CDH23: variants seen among roughly 807,000 people sequenced by gnomAD.
The protein encoded by CDH23 is cadherin-23.
Under a neutral mutation model 317.1 loss-of-function variants are expected in CDH23, and 189 were observed. The ratio of observed to expected loss-of-function variants is 0.60; its 90% CI spans 0.53 to 0.67. The LOEUF (loss-of-function observed/expected upper bound fraction) is 0.67, where lower values mean the gene tolerates loss of function less well. CDH23 is among the 30% of genes least tolerant of loss of function. The pLI is 0.00. For missense variants in CDH23, 4,401 were observed against 4,592.4 expected (o/e 0.96, Z 1.20); for synonymous variants, 1,839 against 1,876.8 (o/e 0.98, Z 0.52).
rs529956370 is a variant in CDH23 at position 71,447,901 on chromosome 10, T to A, written c.145+1506T>A. On this transcript the variant is annotated intron_variant, in intron 3 of 69. Transcript: ENST00000224721. ...GGGTGGGGCTGGCATGGAGCCAACA[T>A]AGCAGCACACAGTGCATGTGTCTAG... Among the ~76,000 whole-genome samples, 21 of 152,314 alleles carry A rather than the reference T, an allele frequency of 1.4e-4. 1 individual carries two copies. The South Asian group carries it at 3.7e-3, about 27-fold the overall frequency.
intron 1 of CDH23, among the ~76,000 whole-genome samples, chr10:71,419,998 G>C (rs1848680853): frequency 1.3e-5 from 2 of 152,144 alleles, no homozygotes; most frequent in Admixed American, 6.5e-5. Context: ...ACTGCTGGAT[G>C]CCTTGCACTC....
intron 28 of CDH23, chr10:71,716,339 G>C: frequency 3.4e-6 from 5 of 1,469,130 alleles, no homozygotes; most frequent in South Asian, 2.8e-5. Flanking sequence ...TGTGCTCATG[G>C]CTCCTGCAAC....
chr10:71,787,111 T>C (rs1208070435), intron 44 of CDH23, among the ~76,000 whole-genome samples: 4 of 152,110 alleles, frequency 2.6e-5, no homozygotes, highest in East Asian at 1.9e-4. Context: ...CAGGAAGGCC[T>C]TGAAGGTCGA....
At chr10:71,622,843 ACT>A in intron 11 of CDH23, 1 of 680,188 alleles carries the variant, frequency 1.5e-6, no homozygotes, top group South Asian at 6.6e-5. Flanking sequence ...TTGGGACACC[ACT>A]CTCTTCCCCA....
intron 6 of CDH23, among the ~76,000 whole-genome samples, chr10:71,524,389 C>T (rs1001017172): frequency 5.9e-5 from 9 of 152,172 alleles, no homozygotes; most frequent in South Asian, 2.1e-4. Context: ...TTCCAAGACC[C>T]GTGCTGAAGG....
chr10:71,635,803 G>T (rs1218010607), intron 11 of CDH23, among the ~76,000 whole-genome samples: 1 of 152,192 alleles, frequency 6.6e-6, no homozygotes, highest in Non-Finnish European at 1.5e-5. Context: ...ACCATTGACG[G>T]TTGGCTTGTA....
intron 28 of CDH23, chr10:71,716,038 C>A: frequency 6.6e-7 from 1 of 1,507,314 alleles, no homozygotes. Flanking sequence ...GGAAGCTGTG[C>A]AGGGAGAGGC....
Position 71,706,915 on chromosome 10 carries a change from A to T in CDH23, c.2972A>T (p.Glu991Val). The change falls in exon 26 of 70, where the codon GAG becomes GTG. Residue 991 changes from glutamate to valine, a missense_variant. Around this residue, in one of 3 missense-constraint regions of CDH23, gnomAD observed 3,068 missense variants for 3,203.3 expected, o/e 0.96. Transcript: ENST00000224721. The part of the protein sequence containing the change: ...LTIHVLDVND[E>V]TPTFFPAVYN... ...CCCGCAGTGCTGGATGTGAACGACG[A>T]GACGCCCACCTTCTTCCCGGCCGTG... 1 of 1,603,640 alleles carries T rather than the reference A, an allele frequency of 6.2e-7. No homozygotes were observed. Among genetic ancestry groups the T allele is most frequent in the Middle Eastern group, 1.7e-4 (1 of 6,048 alleles).
Position 71,805,984 on chromosome 10 carries a change from A to T in CDH23, c.8051A>T (p.Gln2684Leu). 7.2e-7 allele frequency: 1 copy of T among 1,387,094 alleles called. No homozygotes were observed. Among genetic ancestry groups the T allele is most frequent in the Non-Finnish European group, 9.6e-7 (1 of 1,041,944 alleles). 85.9% of individuals were successfully genotyped at this position (1,387,094 alleles called of 1,614,324 possible). A position where few individuals can be genotyped will look rare whatever the true frequency, so the allele number is the denominator to read the frequency against. ...GCTCAGCGCCTGGACCGCGAGTCGC[A>T]GGCGGTGTACAGCGTAAGGGCGGGG... ...QTAQRLDRES[Q>L]AVYSLILVAS... is the part of the protein sequence containing the mutation. The change falls in exon 56 of 70, where the codon CAG (glutamine) becomes CTG (leucine). Residue 2684 changes from glutamine (Q) to leucine (L), a missense_variant. Gln to Leu is a moderately radical substitution (Grantham distance 113). Transcript: ENST00000224721.
At chr10:71,416,303 G>A (rs776243717) in intron 1 of CDH23, among the ~76,000 whole-genome samples, 2 of 152,146 alleles carry the variant, frequency 1.3e-5, no homozygotes, top group South Asian at 2.1e-4. Flanking sequence ...GGGATTACAG[G>A]CATAAGCCAC....
intron 14 of CDH23, among the ~76,000 whole-genome samples, chr10:71,656,455 C>T (rs537526221): frequency 2.2e-4 from 33 of 152,308 alleles, no homozygotes; most frequent in South Asian, 4.1e-4. Context: ...GCAAATCCAG[C>T]GACTATTTAA....
intron 14 of CDH23, among the ~76,000 whole-genome samples, chr10:71,653,253 C>T (rs1008611517): frequency 6.6e-6 from 1 of 152,208 alleles, no homozygotes; most frequent in Non-Finnish European, 1.5e-5. Flanking sequence ...ATTGACCCCA[C>T]AAGGAAAAGG....
At chr10:71,573,910 T>C (rs1473502816) in intron 8 of CDH23, among the ~76,000 whole-genome samples, 1 of 152,222 alleles carries the variant, frequency 6.6e-6, no homozygotes, top group Non-Finnish European at 1.5e-5. Context: ...CCCTCGCCTC[T>C]TGCAGAGCCT....
chr10:71,715,696 C>G (rs904021576), intron 28 of CDH23: 4 of 394,100 alleles, frequency 1.0e-5, no homozygotes, highest in African/African-American at 2.1e-5. Context: ...GTGCACATCT[C>G]TTGACCAGAA....
At chr10:71,733,361 A>G (rs540596171) in intron 32 of CDH23, among the ~76,000 whole-genome samples, 1 of 152,282 alleles carries the variant, frequency 6.6e-6, no homozygotes, top group East Asian at 1.9e-4. Flanking sequence ...GCTTCATCAC[A>G]TAGGTACGAT....
rs1305311385 is a variant in CDH23 at position 71,650,646 on chromosome 10, G to A, written c.1449+4029G>A. 1.4e-4 allele frequency among the ~76,000 whole-genome samples: 22 copies of A among 152,344 alleles called. No individual in the cohort carries two copies. The South Asian group carries it at 1.5e-3, about 10-fold the overall frequency. On this transcript the variant is annotated intron_variant, in intron 14 of 69. Coordinates refer to ENST00000224721, the MANE Select transcript of CDH23 (RefSeq NM_022124.6). ...ATATGCACAAGTCTCATGTGCACAC[G>A]TGTGTGTACATGTATGTGCCTGTAC...
chr10:71,520,617 G>C (rs1854616720), intron 6 of CDH23, among the ~76,000 whole-genome samples: 1 of 152,244 alleles, frequency 6.6e-6, no homozygotes, highest in Non-Finnish European at 1.5e-5. Context: ...AACAGGGCTG[G>C]GATGAGGGTG....
At position 71,702,703 on chromosome 10, in the gene CDH23, C is replaced by G; in HGVS notation, c.2733+9C>G. 3.1e-6 allele frequency: 5 copies of G among 1,613,516 alleles called. No homozygotes were observed. Among genetic ancestry groups the G allele is most frequent in the Non-Finnish European group, 4.2e-6 (5 of 1,179,862 alleles). ...GGGTCTCCATCTACCAAGTGAGTCT[C>G]TATCATCTCATTCCTACCAGCCCAG... On this transcript the variant is annotated intron_variant, in intron 24 of 69. Transcript: ENST00000224721.
chr10:71,730,531 C>T lies in CDH23; in HGVS notation c.3642C>T (p.Ser1214=), dbSNP rs2132820182. 1 of 1,613,944 alleles carries T rather than the reference C, an allele frequency of 6.2e-7. No individual in the cohort carries two copies. Among genetic ancestry groups the T allele is most frequent in the South Asian group, 1.1e-5 (1 of 91,072 alleles). The change falls in exon 31 of 70, where the codon AGC becomes AGT. Residue 1214 remains serine, a synonymous_variant. Transcript: ENST00000224721. ...EAPVFTQQQY[S]RLGLRETAGI... ...CCGTGTTCACACAGCAGCAGTACAG[C>T]CGTCTGGGGCTTCGAGAGACCGCAG... is the stretch of plus-strand genomic sequence containing the variant.
Sources: gnomAD v4.1 joint callset for allele counts (sites outside exome capture counted in the v4.1 genomes callset) on GRCh38, gnomAD v4.1.1 for gene constraint, gnomAD v4.1.1 regional missense constraint, MANE v1.5 for transcripts, NCBI Gene and HGNC (gene_info 2026-07-23, HGNC 2026-07-21) for gene names.